Variants in COL4A3 observed in about 807,000 individuals in gnomAD.
COL4A3 encodes collagen alpha-3(IV) chain.
Under a neutral mutation model 217.4 loss-of-function variants are expected in COL4A3, and 135 were observed. The ratio of observed to expected loss-of-function variants is 0.62; its 90% CI spans 0.54 to 0.72. The LOEUF is 0.72. Ranked by LOEUF, COL4A3 falls within the 30% of genes least tolerant of loss-of-function variation. The probability of loss-of-function intolerance (pLI) is 0.00; values close to 1 mark genes in which losing one functional copy is unlikely to be tolerated. For missense variants in COL4A3, 1,868 were observed against 2,119.9 expected (o/e 0.88, Z 2.33); for synonymous variants, 690 against 736.3 (o/e 0.94, Z 1.02).
chr2:227,277,175 C>T (rs1225596681), intron 27 of COL4A3, among the ~76,000 whole-genome samples: 4 of 151,888 alleles, frequency 2.6e-5, no homozygotes, highest in East Asian at 1.9e-4. Context: ...AAAAATTAGC[C>T]GGGCGTGGTG....
At position 227,313,219 on chromosome 2, in the gene COL4A3, T is replaced by G. The variant is rs2073804239; in HGVS notation, c.*1349T>G. The G allele has an allele frequency of 6.5e-6, 1 of 152,796 alleles. No individual in the cohort carries two copies. The highest frequency in any genetic ancestry group is 1.9e-4 in the East Asian group (1 of 5,186). 9.5% of individuals were successfully genotyped at this position (152,796 alleles called of 1,614,324 possible). ...TCCCAGAAAAAGTAACTCATTGCTC[T>G]GTTAATAATCTCACATATACAAGTA... On this transcript the variant is annotated 3_prime_UTR_variant, in exon 52 of 52. Transcript: ENST00000396578.
chr2:227,293,176 T>G lies in COL4A3; in HGVS notation c.3211-15T>G, dbSNP rs576917186. On this transcript the variant is annotated splice_polypyrimidine_tract_variant and intron_variant, in intron 37 of 51. Transcript: ENST00000396578. Reference sequence around the variant, plus strand: ...GCTTATATGAGAATTTTAAAGGTATTTGACTACATTTAAGGGGGATCCAGG... The same window carrying G: ...GCTTATATGAGAATTTTAAAGGTATGTGACTACATTTAAGGGGGATCCAGG... 7.4e-6 allele frequency: 12 copies of G among 1,613,754 alleles called. No homozygotes were observed. The East Asian group carries it at 2.2e-4, about 30-fold the overall frequency.
chr2:227,311,723 AC>A (rs1393058759), intron 51 of COL4A3, 62 bp from the exon 52 acceptor site: 2 of 1,521,074 alleles, frequency 1.3e-6, no homozygotes, highest in African/African-American at 2.8e-5. Flanking sequence ...AATAAAACAA[AC>A]TCAGCAAAAA....
chr2:227,302,164 C>T (rs1430696301), intron 43 of COL4A3, among the ~76,000 whole-genome samples: 1 of 152,166 alleles, frequency 6.6e-6, no homozygotes, highest in Non-Finnish European at 1.5e-5. Context: ...AAGAAGAGAG[C>T]ACCTCGTTCC....
At chr2:227,234,470 C>A (rs938630224) in intron 1 of COL4A3, among the ~76,000 whole-genome samples, 2 of 152,212 alleles carry the variant, frequency 1.3e-5, no homozygotes, top group Admixed American at 6.5e-5. Flanking sequence ...AAAATATCTG[C>A]ATCATGGCAC....
chr2:227,254,179 GTTAT>G lies in COL4A3; in HGVS notation c.828+9_828+12del. The stretch of plus-strand genomic sequence containing the variant: ...CCTGGACCTCCTGGACCCTCAGTAG[GTTAT>G]TTAAAGTTATATTGTCCCCATAACA... On this transcript the variant is annotated splice_donor_region_variant and intron_variant, in intron 14 of 51. Transcript: ENST00000396578. 2 of 1,611,344 alleles carry G rather than the reference GTTAT, an allele frequency of 1.2e-6. No homozygotes were observed. Among genetic ancestry groups the G allele is most frequent in the Non-Finnish European group, 1.7e-6 (2 of 1,177,740 alleles).
At chr2:227,279,957 A>G in intron 29 of COL4A3, 67 bp downstream of exon 29, 2 of 1,004,732 alleles carry the variant, frequency 2.0e-6, no homozygotes. Flanking sequence ...GTTTGTATGC[A>G]CTTATCTGGC....
intron 25 of COL4A3, 87 bp downstream of exon 25, chr2:227,271,039 C>A: frequency 7.8e-7 from 1 of 1,279,140 alleles, no homozygotes; most frequent in Non-Finnish European, 1.1e-6. Context: ...AAATGGTTGG[C>A]CGCTCAGCAC....
Position 227,250,381 on chromosome 2 carries a change from T to C in COL4A3, c.547-759T>C, listed in dbSNP as rs1051205599. On this transcript the variant is annotated intron_variant, in intron 9 of 51. Coordinates refer to ENST00000396578, the MANE Select transcript of COL4A3 (RefSeq NM_000091.5). The surrounding 1 kb of genome is among the most constrained non-coding windows in gnomAD (Gnocchi z 4.1). Reference sequence around the variant, plus strand: ...ATAGATAGATAGATAGATAGATAGATAGATATTTAAAAATTGTATGAACCA... The same window carrying C: ...ATAGATAGATAGATAGATAGATAGACAGATATTTAAAAATTGTATGAACCA... Among the ~76,000 whole-genome samples, 1 of 149,036 alleles carries C rather than the reference T, an allele frequency of 6.7e-6. No individual in the cohort carries two copies. The highest frequency in any genetic ancestry group is 1.5e-5 in the Non-Finnish European group (1 of 66,992).
Position 227,276,610 on chromosome 2 carries a change from T to A in COL4A3, c.2020+133T>A, listed in dbSNP as rs1396278478. On this transcript the variant is annotated intron_variant, in intron 27 of 51. Coordinates refer to ENST00000396578, the MANE Select transcript of COL4A3 (RefSeq NM_000091.5). ...CTCCAAAAGAGAGCACAGGGCAGTG[T>A]CTTACCTGATAAGCAAGCAGGCTGG... 9 of 731,404 alleles carry A rather than the reference T, an allele frequency of 1.2e-5. No individual in the cohort carries two copies. The East Asian group carries it at 1.6e-4, about 13-fold the overall frequency. The allele number at this position is 731,404 out of a possible 1,614,324, so 45.3% of individuals were successfully genotyped here. A position where few individuals can be genotyped will look rare whatever the true frequency, so the allele number is the denominator to read the frequency against.
intron 1 of COL4A3, among the ~76,000 whole-genome samples, chr2:227,197,117 G>T (rs917273689): frequency 6.6e-6 from 1 of 152,180 alleles, no homozygotes; most frequent in African/African-American, 2.4e-5. Flanking sequence ...TGATTGTGAG[G>T]CCTCCCCAGC....
At chr2:227,176,262 C>G (rs1164892011) in intron 1 of COL4A3, among the ~76,000 whole-genome samples, 1 of 152,214 alleles carries the variant, frequency 6.6e-6, no homozygotes, top group Non-Finnish European at 1.5e-5. Flanking sequence ...CATACAATAT[C>G]AGACTATCAA....
chr2:227,214,949 T>G (rs2067469221), intron 1 of COL4A3, among the ~76,000 whole-genome samples: 1 of 152,198 alleles, frequency 6.6e-6, no homozygotes, highest in Non-Finnish European at 1.5e-5. Flanking sequence ...ATGAAAAGTG[T>G]CTCTGAAAAT....
intron 1 of COL4A3, among the ~76,000 whole-genome samples, chr2:227,173,217 A>G (rs374225075): frequency 2.6e-5 from 4 of 152,136 alleles, no homozygotes; most frequent in African/African-American, 7.3e-5. Context: ...TATCATTTCT[A>G]TAATAAAAAT....
In COL4A3 at chr2:227,267,217, A is replaced by T. The variant is rs958816694; in HGVS notation, c.1504+129A>T. The T allele has an allele frequency of 3.0e-5, 22 of 728,340 alleles. No individual in the cohort carries two copies. The South Asian group carries it at 3.3e-4, about 11-fold the overall frequency. 45.1% of individuals were successfully genotyped at this position (728,340 alleles called of 1,614,324 possible). On this transcript the variant is annotated intron_variant, in intron 23 of 51. Transcript: ENST00000396578. ...TGAACTTGGAGGGAGAGTTTCAAAA[A>T]CATATATTCTATTAACATAAAGTCA... is the stretch of plus-strand genomic sequence containing the variant.
chr2:227,293,349 G>A (rs780746628), intron 38 of COL4A3, 32 bp downstream of exon 38: 1 of 1,613,028 alleles, frequency 6.2e-7, no homozygotes, highest in Non-Finnish European at 8.5e-7. Context: ...CTAAAAGCTG[G>A]AAGCATTACT....
intron 1 of COL4A3, among the ~76,000 whole-genome samples, chr2:227,196,090 TAAA>T (rs1363585082): frequency 6.6e-6 from 1 of 152,052 alleles, no homozygotes; most frequent in Non-Finnish European, 1.5e-5. Context: ...ATTTATAAAG[TAAA>T]AAAGTTATAG....
At chr2:227,307,133 CATATAA>C (rs2073539675) in intron 47 of COL4A3, among the ~76,000 whole-genome samples, 2 of 151,856 alleles carry the variant, frequency 1.3e-5, no homozygotes, top group African/African-American at 4.8e-5. Flanking sequence ...GTTTTTAACT[CATATAA>C]ATAAACTAAC....
At chr2:227,307,491 C>T (rs1291363783) in intron 47 of COL4A3, among the ~76,000 whole-genome samples, 3 of 152,160 alleles carry the variant, frequency 2.0e-5, no homozygotes, top group South Asian at 2.1e-4. Context: ...TCTCAAAAAA[C>T]GCATCAAATA....
Sources: allele counts gnomAD v4.1 joint callset (sites outside exome capture counted in the v4.1 genomes callset), GRCh38; gene constraint gnomAD v4.1.1; non-coding constraint Gnocchi (gnomAD v3.1); transcripts MANE v1.5; gene names NCBI Gene and HGNC (gene_info 2026-07-23, HGNC 2026-07-21).